The following GRIA4 variants were observed in gnomAD, a reference collection of about 807,000 sequenced individuals.
GRIA4 encodes the protein glutamate receptor 4.
A neutral mutation model predicts 104.0 loss-of-function variants in GRIA4; 34 were observed. The observed-to-expected ratio is 0.33, with a 90% CI of 0.25 to 0.44. The LOEUF (loss-of-function observed/expected upper bound fraction) is 0.44, where lower values mean the gene tolerates loss of function less well. Ranked by LOEUF, GRIA4 falls within the 20% of genes least tolerant of loss-of-function variation. GRIA4 has a pLI of 1.00. For synonymous variants in GRIA4, 386 were observed against 381.9 expected (o/e 1.01, Z -0.13); for missense variants, 750 against 1,096.5 (o/e 0.68, Z 4.46).
chr11:105,841,891 C>A (rs1312051635), intron 4 of GRIA4, among the ~76,000 whole-genome samples: 1 of 152,216 alleles, frequency 6.6e-6, no homozygotes, highest in African/African-American at 2.4e-5. Flanking sequence ...GTGAATGTCA[C>A]AGCTAATAGG....
intron 3 of GRIA4, among the ~76,000 whole-genome samples, chr11:105,640,984 T>C (rs562351622): frequency 5.8e-4 from 89 of 152,226 alleles, no homozygotes; most frequent in African/African-American, 2.0e-3. Flanking sequence ...ATAACATTAT[T>C]CTTAGCCTAA....
At chr11:105,961,547 C>A (rs1948745192) in intron 14 of GRIA4, among the ~76,000 whole-genome samples, 1 of 152,118 alleles carries the variant, frequency 6.6e-6, no homozygotes, top group African/African-American at 2.4e-5. Context: ...AGGTCACAGG[C>A]CTTTTTGGGA....
Position 105,610,948 on chromosome 11 carries a change from G to A in GRIA4, c.-50G>A. On this transcript the variant is annotated 5_prime_UTR_variant, in exon 2 of 17. Transcript: ENST00000282499. ...TGCTTCTCTGAACAGCCTTTAGGAA[G>A]AGTGCGAGAGAAAGAGAGAGAGCGC... 1 of 1,084,138 alleles carries A rather than the reference G, an allele frequency of 9.2e-7. No homozygotes were observed. Among genetic ancestry groups the A allele is most frequent in the South Asian group, 1.2e-5 (1 of 80,150 alleles). The allele number at this position is 1,084,138 out of a possible 1,614,324, so 67.2% of individuals were successfully genotyped here.
At chr11:105,914,528 G>T (rs922757794) in intron 10 of GRIA4, among the ~76,000 whole-genome samples, 2 of 151,916 alleles carry the variant, frequency 1.3e-5, no homozygotes, top group African/African-American at 4.8e-5. Context: ...ATATTTTATT[G>T]ATTAAAAATC....
At chr11:105,782,808 A>G (rs1941786061) in intron 4 of GRIA4, among the ~76,000 whole-genome samples, 2 of 152,216 alleles carry the variant, frequency 1.3e-5, no homozygotes, top group Admixed American at 1.3e-4. Context: ...CTAGTATGCT[A>G]TAAGAAGGTC....
At chr11:105,745,260 C>T (rs1243443528) in intron 3 of GRIA4, among the ~76,000 whole-genome samples, 4 of 152,034 alleles carry the variant, frequency 2.6e-5, no homozygotes, top group South Asian at 2.1e-4. Context: ...TTAAGTAATA[C>T]GTTTGTTCGT....
At chr11:105,782,296 G>A (rs1307770163) in intron 4 of GRIA4, among the ~76,000 whole-genome samples, 1 of 152,168 alleles carries the variant, frequency 6.6e-6, no homozygotes, top group Non-Finnish European at 1.5e-5. Flanking sequence ...ATCGAGATAT[G>A]TTTGGTGTTA....
intron 14 of GRIA4, among the ~76,000 whole-genome samples, chr11:105,956,965 T>C (rs1218805306): frequency 1.3e-5 from 2 of 152,224 alleles, no homozygotes; most frequent in Non-Finnish European, 2.9e-5. Flanking sequence ...GTTTGATTTT[T>C]TTCTTGTAAA....
chr11:105,828,245 G>C (rs1335140068), intron 4 of GRIA4, among the ~76,000 whole-genome samples: 1 of 151,922 alleles, frequency 6.6e-6, no homozygotes, highest in East Asian at 1.9e-4. Flanking sequence ...GAGCCTCTGG[G>C]CGTTTGTAGA....
At chr11:105,765,221 G>T (rs960436050) in intron 4 of GRIA4, among the ~76,000 whole-genome samples, 1 of 152,134 alleles carries the variant, frequency 6.6e-6, no homozygotes, top group Admixed American at 6.6e-5. Flanking sequence ...AATACAAAGT[G>T]TAAAGTGGAA....
At chr11:105,972,467 A>C (rs1025582790) in intron 15 of GRIA4, among the ~76,000 whole-genome samples, 58 of 152,116 alleles carry the variant, frequency 3.8e-4, no homozygotes, top group African/African-American at 1.3e-3. Flanking sequence ...TCAGAGGTTC[A>C]GTCTTTTGTC....
At chr11:105,614,152 G>A (rs1479105208) in intron 3 of GRIA4, 1 of 151,318 alleles carries the variant, frequency 6.6e-6, no homozygotes, top group Non-Finnish European at 1.5e-5. Context: ...TACATGTGAA[G>A]GTACTTTATC....
At chr11:105,837,035 A>G (rs1944217976) in intron 4 of GRIA4, among the ~76,000 whole-genome samples, 1 of 152,010 alleles carries the variant, frequency 6.6e-6, no homozygotes, top group African/African-American at 2.4e-5. Flanking sequence ...GAAACTTACA[A>G]TCATGGCAGA....
chr11:105,669,848 G>A (rs776881449), intron 3 of GRIA4, among the ~76,000 whole-genome samples: 7 of 152,084 alleles, frequency 4.6e-5, no homozygotes, highest in Non-Finnish European at 8.8e-5. Context: ...CTAAACCAAA[G>A]AGGTAAATTT....
intron 3 of GRIA4, among the ~76,000 whole-genome samples, chr11:105,622,479 T>C (rs892570398): frequency 2.0e-5 from 3 of 151,902 alleles, no homozygotes; most frequent in South Asian, 2.1e-4. Context: ...GCTGTTTATC[T>C]TCTGAAGTTC....
intron 3 of GRIA4, among the ~76,000 whole-genome samples, chr11:105,688,136 A>T (rs1407246923): frequency 1.3e-5 from 1 of 77,406 alleles, no homozygotes; most frequent in African/African-American, 4.1e-5. Context: ...CTATATCTAT[A>T]TCTATATCTA....
chr11:105,702,278 T>A (rs758151765), intron 3 of GRIA4, among the ~76,000 whole-genome samples: 4 of 152,160 alleles, frequency 2.6e-5, no homozygotes, highest in African/African-American at 9.7e-5. Flanking sequence ...TAAACCATAA[T>A]GTTTTATTAA....
At chr11:105,906,104 T>C (rs1947033309) in intron 9 of GRIA4, among the ~76,000 whole-genome samples, 1 of 152,160 alleles carries the variant, frequency 6.6e-6, no homozygotes, top group Non-Finnish European at 1.5e-5. Context: ...ATTTCCAAAA[T>C]ATATTTTCAT....
intron 11 of GRIA4, among the ~76,000 whole-genome samples, chr11:105,921,813 G>C (rs1947573152): frequency 6.6e-6 from 1 of 152,020 alleles, no homozygotes; most frequent in Admixed American, 6.6e-5. Flanking sequence ...TGGTACAGGA[G>C]GATGACTACT....
Sources: gnomAD v4.1 joint callset for allele counts (sites outside exome capture counted in the v4.1 genomes callset) on GRCh38, gnomAD v4.1.1 for gene constraint, MANE v1.5 for transcripts, NCBI Gene and HGNC (gene_info 2026-07-23, HGNC 2026-07-21) for gene names.